The following PCDHGB2 variants were observed in gnomAD, a reference collection of about 807,000 sequenced individuals.
The protein encoded by PCDHGB2 is protocadherin gamma-B2.
Under a neutral mutation model 59.3 loss-of-function variants are expected in PCDHGB2, and 55 were observed. The ratio of observed to expected loss-of-function variants is 0.93; its 90% CI spans 0.75 to 1.16. PCDHGB2 has a LOEUF of 1.16. Ranked by LOEUF, PCDHGB2 falls within the 50% of genes most tolerant of loss-of-function variation. The pLI is 0.00. For synonymous variants in PCDHGB2, 516 were observed against 512.0 expected, an observed-to-expected ratio of 1.01 and a Z score of -0.11; for missense variants, 1,228 against 1,198.5, an observed-to-expected ratio of 1.02 and a Z score of -0.36.
chr5:141,416,817 C>T (rs1197915095), intron 1 of PCDHGB2: 1 of 151,958 alleles, frequency 6.6e-6, no homozygotes, highest in Non-Finnish European at 1.5e-5. Flanking sequence ...AAAAAGCATT[C>T]CGAAGTTTCT....
intron 1 of PCDHGB2, among the ~76,000 whole-genome samples, chr5:141,468,797 C>T (rs191599825): frequency 0.01 from 1,525 of 151,876 alleles, 28 homozygotes; most frequent in African/African-American, 0.035. Flanking sequence ...ACCCGGGAGG[C>T]GGAACTTGCA....
intron 1 of PCDHGB2, chr5:141,411,436 T>C (rs2095489663): frequency 6.7e-6 from 1 of 149,586 alleles, no homozygotes; most frequent in South Asian, 2.1e-4. Flanking sequence ...AAAAAAACAT[T>C]AGCAGAGTGT....
At chr5:141,421,603 G>T (rs1207844782) in intron 1 of PCDHGB2, 4 of 1,613,758 alleles carry the variant, frequency 2.5e-6, no homozygotes, top group Non-Finnish European at 3.4e-6. Context: ...GGAAATAATA[G>T]ATATTAATGA....
At chr5:141,495,270 G>A (rs1428903664) in intron 2 of PCDHGB2, among the ~76,000 whole-genome samples, 1 of 152,178 alleles carries the variant, frequency 6.6e-6, no homozygotes, top group African/African-American at 2.4e-5. Context: ...GCATTTGACC[G>A]GAGGAGGCGG....
At chr5:141,370,431 C>T (rs781725502) in intron 1 of PCDHGB2, 6 of 1,599,456 alleles carry the variant, frequency 3.8e-6, no homozygotes, top group Non-Finnish European at 5.1e-6. Context: ...CCCAGCAGGG[C>T]AGAGGCGAAT....
chr5:141,374,955 T>C (rs1213878932), intron 1 of PCDHGB2: 2 of 1,613,888 alleles, frequency 1.2e-6, no homozygotes. Flanking sequence ...ATCTCACAAA[T>C]TTTCTGTTTG....
intron 2 of PCDHGB2, among the ~76,000 whole-genome samples, chr5:141,500,881 T>G (rs940387787): frequency 1.0e-5 from 1 of 99,136 alleles, no homozygotes; most frequent in Non-Finnish European, 1.9e-5. Context: ...TTTACAATTT[T>G]TTTTTTTTGA....
intron 1 of PCDHGB2, chr5:141,427,834 C>A: frequency 6.5e-7 from 1 of 1,542,566 alleles, no homozygotes; most frequent in Non-Finnish European, 8.9e-7. Flanking sequence ...GCGCAGCGTG[C>A]CTTCGACCAC....
chr5:141,371,371 A>C (rs745398017), intron 1 of PCDHGB2: 1 of 1,614,032 alleles, frequency 6.2e-7, no homozygotes, highest in Non-Finnish European at 8.5e-7. Context: ...GATGGTGGAC[A>C]TCACACTGCA....
chr5:141,394,489 C>T (rs989814835), intron 1 of PCDHGB2: 5 of 1,614,122 alleles, frequency 3.1e-6, no homozygotes, highest in Non-Finnish European at 4.2e-6. Context: ...AATGACAACG[C>T]GCCCGAGATC....
chr5:141,504,755 T>A (rs953075905), intron 2 of PCDHGB2, among the ~76,000 whole-genome samples: 13 of 151,824 alleles, frequency 8.6e-5, no homozygotes, highest in Non-Finnish European at 1.5e-5. Flanking sequence ...ATTTTAGAAA[T>A]TTCTTCTCCC....
chr5:141,371,458 A>G, intron 1 of PCDHGB2: 2 of 1,613,996 alleles, frequency 1.2e-6, no homozygotes. Flanking sequence ...GAATCCCAAC[A>G]TATACAAGAA....
rs1425448852 is a variant in PCDHGB2, at chr5:141,493,717, C to T, written c.2422-1090C>T. Among the ~76,000 whole-genome samples the T allele has an allele frequency of 1.3e-5, 2 of 152,208 alleles. No individual in the cohort carries two copies. The highest frequency in any genetic ancestry group is 3.8e-4 in the East Asian group (2 of 5,202). On this transcript the variant is annotated intron_variant, in intron 1 of 3. Coordinates refer to ENST00000522605, the MANE Select transcript of PCDHGB2 (RefSeq NM_018923.3). This position sits in a 1 kb window ranked among gnomAD's most constrained non-coding sequence, Gnocchi z 4.3. ...CCGATACACCTGGAATGCTAGGTTT[C>T]TGGGTTCTGCTCATATCACTGCCAC...
intron 1 of PCDHGB2, chr5:141,398,694 T>A: frequency 6.2e-7 from 1 of 1,613,868 alleles, no homozygotes; most frequent in Non-Finnish European, 8.5e-7. Context: ...AGGATGGTAG[T>A]AAATACCCGG....
At chr5:141,385,492 A>T in intron 1 of PCDHGB2, 15 of 1,394,884 alleles carry the variant, frequency 1.1e-5, no homozygotes, top group Non-Finnish European at 1.4e-5. Flanking sequence ...AACACATAGG[A>T]TATAGTATTT....
chr5:141,453,796 T>C (rs1592274016), intron 1 of PCDHGB2, among the ~76,000 whole-genome samples: 1 of 152,242 alleles, frequency 6.6e-6, no homozygotes, highest in East Asian at 1.9e-4. Context: ...ATATTAACTT[T>C]GAGTAGTTCC....
chr5:141,372,198 G>C lies in PCDHGB2; in HGVS notation c.2421+9642G>C, dbSNP rs776842752. The C allele has an allele frequency of 8.1e-6, 13 of 1,613,456 alleles. No individual in the cohort carries two copies. In the African/African-American group the frequency reaches 1.5e-4, roughly 18 times the overall value. On this transcript the variant is annotated intron_variant, in intron 1 of 3. Coordinates refer to ENST00000522605, the MANE Select transcript of PCDHGB2 (RefSeq NM_018923.3). ...GGTGGACGCAGACTCGGGATACAACGCCTGGCTGTCCTACCACATTGTGCA... is the reference window on the plus strand; with the variant it reads ...GGTGGACGCAGACTCGGGATACAACCCCTGGCTGTCCTACCACATTGTGCA...
In PCDHGB2 at chr5:141,487,934, C is replaced by T; in HGVS notation, c.2422-6873C>T. 4.9e-6 allele frequency: 3 copies of T among 607,674 alleles called. No homozygotes were observed. The highest frequency in any genetic ancestry group is 2.1e-5 in the South Asian group (1 of 48,014). 37.6% of individuals were successfully genotyped at this position (607,674 alleles called of 1,614,324 possible). Reference sequence around the variant, plus strand: ...ACAGGAGGCTACAGTGCACAGGGTACAGTGCACCAGGCAGTCACTTGGACA... The same window carrying T: ...ACAGGAGGCTACAGTGCACAGGGTATAGTGCACCAGGCAGTCACTTGGACA... On this transcript the variant is annotated intron_variant, in intron 1 of 3. Transcript: ENST00000522605. This position sits in a 1 kb window ranked among gnomAD's most constrained non-coding sequence, Gnocchi z 5.0.
intron 1 of PCDHGB2, among the ~76,000 whole-genome samples, chr5:141,469,803 A>G (rs1326367314): frequency 6.6e-6 from 1 of 152,174 alleles, no homozygotes; most frequent in Non-Finnish European, 1.5e-5. Context: ...TTGCAAAAAC[A>G]TTGTAGATAG....
Sources: gnomAD v4.1 joint callset for allele counts (sites outside exome capture counted in the v4.1 genomes callset) on GRCh38, gnomAD v4.1.1 for gene constraint, Gnocchi (gnomAD v3.1) non-coding constraint, MANE v1.5 for transcripts, NCBI Gene and HGNC (gene_info 2026-07-23, HGNC 2026-07-21) for gene names.